The following PHLDB1 variants were observed in gnomAD, a reference collection of about 807,000 sequenced individuals.
PHLDB1 encodes pleckstrin homology like domain family B member 1.
PHLDB1 carries 65 observed loss-of-function variants against 139.3 expected under a neutral mutation model. That is an observed-to-expected ratio of 0.47 (90% CI 0.38 to 0.57). PHLDB1 has a LOEUF of 0.57. PHLDB1 is among the 20% of genes least tolerant of loss of function. The probability of loss-of-function intolerance (pLI) is 0.00; values close to 1 mark genes in which losing one functional copy is unlikely to be tolerated. For synonymous variants in PHLDB1, 679 were observed against 734.5 expected (o/e 0.92, Z 1.22); for missense variants, 1,624 against 1,839.7 (o/e 0.88, Z 2.14).
chr11:118,610,436 G>A lies in PHLDB1; in HGVS notation c.-22+2737G>A, dbSNP rs1351861293. ...TGTGCGCCTGGAGGGCGAAGGCGGCGGCCGAGAGGACCCCAGCTCGGCCTG... is the reference window on the plus strand; with the variant it reads ...TGTGCGCCTGGAGGGCGAAGGCGGCAGCCGAGAGGACCCCAGCTCGGCCTG... On this transcript the variant is annotated intron_variant, in intron 1 of 22. Coordinates refer to ENST00000600882, the MANE Select transcript of PHLDB1 (RefSeq NM_001144758.3). This position sits in a 1 kb window ranked among gnomAD's most constrained non-coding sequence, Gnocchi z 8.7. The A allele has an allele frequency of 3.1e-5, 31 of 985,504 alleles. No individual in the cohort carries two copies. The highest frequency in any genetic ancestry group is 5.2e-4 in the Middle Eastern group (1 of 1,914). The allele number at this position is 985,504 out of a possible 1,614,324, so 61.0% of individuals were successfully genotyped here.
intron 12 of PHLDB1, chr11:118,639,863 C>T (rs1361536535): frequency 8.0e-5 from 79 of 987,068 alleles, no homozygotes; most frequent in South Asian, 8.0e-4. Context: ...CTCTGTAGGC[C>T]GAGCTGCTCA....
At position 118,656,710 on chromosome 11, in the gene PHLDB1, G is replaced by T; in HGVS notation, c.4021G>T (p.Val1341Leu). Residue 1341 changes from valine (V) to leucine (L), a missense_variant, in exon 23 of 23, where the codon GTA becomes TTA. By Grantham distance (32) the Val-to-Leu change is conservative. Coordinates refer to ENST00000600882, the MANE Select transcript of PHLDB1 (RefSeq NM_001144758.3). ...ESPNPALTFC[V>L]KTHDRLYYMV... ...CCCGAACCCAGCCCTCACCTTCTGC[G>T]TAAAGACCCATGACCGGCTGTACTA... The T allele has an allele frequency of 6.2e-7, 1 of 1,613,954 alleles. No individual in the cohort carries two copies. Among genetic ancestry groups the T allele is most frequent in the Non-Finnish European group, 8.5e-7 (1 of 1,179,880 alleles).
intron 10 of PHLDB1, chr11:118,637,138 T>C (rs1280893590): frequency 5.9e-5 from 9 of 152,232 alleles, no homozygotes; most frequent in African/African-American, 2.2e-4. Flanking sequence ...TAATCCGTGC[T>C]CTACCACTTA....
chr11:118,645,170 C>T lies in PHLDB1; in HGVS notation c.3122-186C>T, dbSNP rs782184055. 77 of 504,924 alleles carry T rather than the reference C, an allele frequency of 1.5e-4. No individual in the cohort carries two copies. The highest frequency in any genetic ancestry group is 2.6e-4 in the African/African-American group (13 of 50,862). The allele number at this position is 504,924 out of a possible 1,614,324, so 31.3% of individuals were successfully genotyped here. On this transcript the variant is annotated intron_variant, in intron 15 of 22. Transcript: ENST00000600882. The surrounding 1 kb of genome is among the most constrained non-coding windows in gnomAD (Gnocchi z 5.1). ...GTGCATCTGTGGCCGGTTGTGCAGG[C>T]GACTGAAGCATTGGCAGAGCAGCCA...
Position 118,608,749 on chromosome 11 carries a change from C to T in PHLDB1, c.-22+1050C>T, listed in dbSNP as rs1190387400. ...ACACCTACGTCCCTGCGTCACGCCA[C>T]CCAGACACACCCGGACCCGCCCACA... is the stretch of plus-strand genomic sequence containing the variant. On this transcript the variant is annotated intron_variant, in intron 1 of 22. Transcript: ENST00000600882. The surrounding 1 kb of genome is among the most constrained non-coding windows in gnomAD (Gnocchi z 6.7). Among the ~76,000 whole-genome samples the T allele has an allele frequency of 6.6e-5, 10 of 152,200 alleles. No individual in the cohort carries two copies. The highest frequency in any genetic ancestry group is 2.4e-4 in the African/African-American group (10 of 41,452).
intron 6 of PHLDB1, chr11:118,630,028 GTT>G (rs10578316): frequency 0.037 from 42,122 of 1,145,206 alleles, no homozygotes; most frequent in East Asian, 0.061. Flanking sequence ...CTCTGTTCCG[GTT>G]TTTTTTTTTT....
At position 118,608,902 on chromosome 11, in the gene PHLDB1, G is replaced by A. The variant is rs1260394974; in HGVS notation, c.-22+1203G>A. On this transcript the variant is annotated intron_variant, in intron 1 of 22. Transcript: ENST00000600882. This position sits in a 1 kb window ranked among gnomAD's most constrained non-coding sequence, Gnocchi z 6.7. ...CTCACACATGCACCCCAGTCACACA[G>A]CCTACCTCACACACGCACCCCAGTC... 6.7e-6 allele frequency among the ~76,000 whole-genome samples: 1 copy of A among 148,370 alleles called. No homozygotes were observed. Among genetic ancestry groups the A allele is most frequent in the Non-Finnish European group, 1.5e-5 (1 of 67,002 alleles).
chr11:118,656,544 C>A, intron 22 of PHLDB1, 139 bp from the exon 23 acceptor site: 2 of 708,866 alleles, frequency 2.8e-6, no homozygotes, highest in African/African-American at 1.8e-5. Flanking sequence ...CTGGTAGGGT[C>A]TAGGCTCTGG....
At chr11:118,639,290 C>A in intron 12 of PHLDB1, 39 bp downstream of exon 12, 1 of 1,511,386 alleles carries the variant, frequency 6.6e-7, no homozygotes, top group South Asian at 1.1e-5. Flanking sequence ...AGGCCCAAGG[C>A]GTGTCCTGGG....
chr11:118,612,592 C>T (rs1450495539), intron 1 of PHLDB1, among the ~76,000 whole-genome samples: 2 of 152,208 alleles, frequency 1.3e-5, no homozygotes, highest in Middle Eastern at 3.2e-3. Flanking sequence ...GTTCCGGCCT[C>T]TCTTCCGCCA....
At chr11:118,648,837 TTAGA>T (rs1947942953) in intron 18 of PHLDB1, among the ~76,000 whole-genome samples, 1 of 152,178 alleles carries the variant, frequency 6.6e-6, no homozygotes, top group Non-Finnish European at 1.5e-5. Flanking sequence ...TCTGTAGGAC[TTAGA>T]TAGCCTGTCC....
In PHLDB1 at chr11:118,645,306, C is replaced by G; in HGVS notation, c.3122-50C>G. The G allele has an allele frequency of 6.9e-7, 1 of 1,441,300 alleles. No homozygotes were observed. Among genetic ancestry groups the G allele is most frequent in the Non-Finnish European group, 9.3e-7 (1 of 1,074,248 alleles). The allele number at this position is 1,441,300 out of a possible 1,614,324, so 89.3% of individuals were successfully genotyped here. A position where few individuals can be genotyped will look rare whatever the true frequency, so the allele number is the denominator to read the frequency against. ...TGTGTTGTGCTGCCAGTGGCCTGCT[C>G]CTTAGCTGCGTGGGGAGCCCACTGT... On this transcript the variant is annotated intron_variant, in intron 15 of 22. Transcript: ENST00000600882. This position sits in a 1 kb window ranked among gnomAD's most constrained non-coding sequence, Gnocchi z 5.1.
At position 118,648,048 on chromosome 11, in the gene PHLDB1, T is replaced by C. The variant is rs1947797010; in HGVS notation, c.3626T>C (p.Val1209Ala). 1 of 1,612,812 alleles carries C rather than the reference T, an allele frequency of 6.2e-7. No homozygotes were observed. The highest frequency in any genetic ancestry group is 8.5e-7 in the Non-Finnish European group (1 of 1,179,558). The change falls in exon 18 of 23, where the codon GTC becomes GCC. Residue 1209 changes from valine (V) to alanine (A), a missense_variant. Val to Ala is a moderately conservative substitution (Grantham distance 64). Transcript: ENST00000600882. ...AGGCAGCAGCTGGTCGAGAAGGAGG[T>C]CAAGATGCGGGAGAAACAATTTTCC... ...ARRQQLVEKE[V>A]KMREKQFSQA...
intron 4 of PHLDB1, among the ~76,000 whole-genome samples, chr11:118,623,740 CA>C (rs1205583602): frequency 6.6e-6 from 1 of 152,112 alleles, no homozygotes; most frequent in African/African-American, 2.4e-5. Flanking sequence ...TTCCCTATCT[CA>C]GTTTTTTTTT....
chr11:118,608,523 CG>C lies in PHLDB1; in HGVS notation c.-22+827del, dbSNP rs1216617718. On this transcript the variant is annotated intron_variant, in intron 1 of 22. Coordinates refer to ENST00000600882, the MANE Select transcript of PHLDB1 (RefSeq NM_001144758.3). This position sits in a 1 kb window ranked among gnomAD's most constrained non-coding sequence, Gnocchi z 6.7. ...AGGCAGGCTCGAGTGGGGACTTGGC[CG>C]GGCGACCGCACAGCCCTGCCGGGGA... Among the ~76,000 whole-genome samples the C allele has an allele frequency of 2.0e-5, 3 of 152,120 alleles. No individual in the cohort carries two copies. Among genetic ancestry groups the C allele is most frequent in the Non-Finnish European group, 4.4e-5 (3 of 67,990 alleles).
upstream of PHLDB1, among the ~76,000 whole-genome samples, chr11:118,606,834 T>A (rs1939324033): frequency 6.6e-6 from 1 of 152,216 alleles, no homozygotes; most frequent in South Asian, 2.1e-4. Context: ...ATTGTATGTC[T>A]ATAGCCTGCC....
chr11:118,656,264 C>G (rs1389922334), intron 22 of PHLDB1, among the ~76,000 whole-genome samples: 1 of 152,156 alleles, frequency 6.6e-6, no homozygotes, highest in Non-Finnish European at 1.5e-5. Context: ...GTGCCCACCC[C>G]AGTCCTGATC....
rs1555123833 is a variant in PHLDB1, at chr11:118,643,870, C to T, written c.2948C>T (p.Ser983Phe). The change falls in exon 14 of 23, where the codon TCC becomes TTC. Residue 983 changes from serine to phenylalanine, a missense_variant. Transcript: ENST00000600882. The stretch of plus-strand genomic sequence containing the variant: ...CGGACCCGCAGCGGCCCCCTCCCCT[C>T]CTCCTCTGGCTCTTCCTCCTCCTCC... ...LPRTRSGPLP[S>F]SSGSSSSSSQ... is the part of the protein sequence containing the mutation. 1 of 1,613,036 alleles carries T rather than the reference C, an allele frequency of 6.2e-7. No homozygotes were observed. Among genetic ancestry groups the T allele is most frequent in the Non-Finnish European group, 8.5e-7 (1 of 1,179,338 alleles).
At position 118,642,349 on chromosome 11, in the gene PHLDB1, C is replaced by A; in HGVS notation, c.2832C>A (p.His944Gln). ...LGTGPAAASP[H>Q]SSPPPLPAKA... ...CTGGCCCCGCTGCAGCCTCCCCTCA[C>A]TCTTCTCCCCCGCCTCTGCCCGCCA... Residue 944 changes from histidine to glutamine, a missense_variant, in exon 13 of 23, where the codon CAC becomes CAA. By Grantham distance (24) the His-to-Gln change is conservative (BLOSUM62 0). Transcript: ENST00000600882. 8 of 1,611,354 alleles carry A rather than the reference C, an allele frequency of 5.0e-6. No individual in the cohort carries two copies. Among genetic ancestry groups the A allele is most frequent in the Non-Finnish European group, 6.8e-6 (8 of 1,179,910 alleles).
Sources: allele counts gnomAD v4.1 joint callset (sites outside exome capture counted in the v4.1 genomes callset), GRCh38; gene constraint gnomAD v4.1.1; non-coding constraint Gnocchi (gnomAD v3.1); transcripts MANE v1.5; gene names NCBI Gene and HGNC (gene_info 2026-07-23, HGNC 2026-07-21).